DNAH7: variants seen among roughly 807,000 people sequenced by gnomAD.
DNAH7 encodes the protein axonemal beta dynein heavy chain 7.
In DNAH7, 397 loss-of-function variants were observed where a neutral mutation model predicts 444.6. That is an observed-to-expected ratio of 0.89 (90% confidence interval 0.82 to 0.97). DNAH7 has a LOEUF of 0.97. DNAH7 is among the 50% of genes least tolerant of loss of function. DNAH7 has a pLI of 0.00. For synonymous variants in DNAH7, 1,636 were observed against 1,624.4 expected (o/e 1.01, Z -0.17); for missense variants, 4,902 against 4,800.8 (o/e 1.02, Z -0.62).
At chr2:195,901,778 A>C (rs1686725441) in intron 27 of DNAH7, 1 of 152,212 alleles carries the variant, frequency 6.6e-6, no homozygotes, top group Non-Finnish European at 1.5e-5. Flanking sequence ...AATAAAGGAA[A>C]GAAAACCGGA....
At chr2:195,878,680 G>A (rs1701197450) in intron 36 of DNAH7, among the ~76,000 whole-genome samples, 1 of 152,048 alleles carries the variant, frequency 6.6e-6, no homozygotes, top group Admixed American at 6.6e-5. Flanking sequence ...TGAGCATTGA[G>A]GCCATCTAAA....
chr2:195,772,053 G>C (rs529894487), intron 60 of DNAH7, among the ~76,000 whole-genome samples, 163 bp from the exon 61 acceptor site: 1 of 152,186 alleles, frequency 6.6e-6, no homozygotes, highest in Non-Finnish European at 1.5e-5. Context: ...TAACAGGCAG[G>C]AGGATGGATT....
At chr2:195,995,185 C>T (rs1574975562) in intron 12 of DNAH7, 1 of 336,448 alleles carries the variant, frequency 3.0e-6, no homozygotes, top group East Asian at 7.6e-5. Flanking sequence ...ACCTTGGCCT[C>T]CCAAAGTGCT....
At chr2:196,065,411 T>C (rs540140895) in intron 1 of DNAH7, among the ~76,000 whole-genome samples, 1 of 152,340 alleles carries the variant, frequency 6.6e-6, no homozygotes, top group African/African-American at 2.4e-5. Flanking sequence ...CCAACTGATT[T>C]ATGGACAGGG....
chr2:195,785,380 G>A (rs1221973275), intron 58 of DNAH7, among the ~76,000 whole-genome samples: 1 of 151,848 alleles, frequency 6.6e-6, no homozygotes, highest in African/African-American at 2.4e-5. Flanking sequence ...TTTTAAGACA[G>A]GGTCTTGTTT....
intron 49 of DNAH7, among the ~76,000 whole-genome samples, chr2:195,822,617 A>G (rs1410357784): frequency 6.6e-6 from 1 of 152,180 alleles, no homozygotes; most frequent in Non-Finnish European, 1.5e-5. Flanking sequence ...CCAGCAATTA[A>G]AAATAATAAA....
chr2:195,802,819 G>A (rs1247233894), intron 54 of DNAH7, among the ~76,000 whole-genome samples: 1 of 151,982 alleles, frequency 6.6e-6, no homozygotes, highest in African/African-American at 2.4e-5. Flanking sequence ...AATGTACATT[G>A]TACCCCTTAA....
At chr2:195,794,733 A>G (rs1002230553) in intron 56 of DNAH7, among the ~76,000 whole-genome samples, 195 bp from the exon 57 acceptor site, 5 of 152,224 alleles carry the variant, frequency 3.3e-5, no homozygotes, top group Admixed American at 2.0e-4. Context: ...AGAAGGCCCA[A>G]GGTGTTGTCA....
chr2:195,942,870 A>T (rs1267326012), intron 19 of DNAH7, among the ~76,000 whole-genome samples: 1 of 152,128 alleles, frequency 6.6e-6, no homozygotes, highest in South Asian at 2.1e-4. Context: ...ACTGCAGCCC[A>T]AACTCCCATC....
chr2:195,849,521 T>C (rs550098415), intron 46 of DNAH7, among the ~76,000 whole-genome samples: 261 of 152,288 alleles, frequency 1.7e-3, no homozygotes, highest in Admixed American at 3.9e-3. Flanking sequence ...ATGGTATTGC[T>C]ACGTAGGGAG....
intron 46 of DNAH7, among the ~76,000 whole-genome samples, chr2:195,850,554 G>T (rs549676123): frequency 1.3e-5 from 2 of 152,260 alleles, no homozygotes; most frequent in South Asian, 4.2e-4. Context: ...ATTTTCCTAT[G>T]TTTTATTTAT....
At chr2:195,770,582 C>T (rs1452022857) in intron 61 of DNAH7, among the ~76,000 whole-genome samples, 3 of 152,208 alleles carry the variant, frequency 2.0e-5, no homozygotes, top group Non-Finnish European at 4.4e-5. Context: ...TGCCCCTCAA[C>T]GTAATTTAGG....
intron 19 of DNAH7, among the ~76,000 whole-genome samples, chr2:195,951,655 T>C (rs1690265884): frequency 6.6e-6 from 1 of 152,202 alleles, no homozygotes; most frequent in East Asian, 1.9e-4. Flanking sequence ...GATAGTTAGC[T>C]CTTCTTGTTG....
At position 195,922,253 on chromosome 2, in the gene DNAH7, T is replaced by C. The variant is rs183738083; in HGVS notation, c.3826-56A>G. On this transcript the variant is annotated intron_variant, in intron 23 of 64. Coordinates refer to ENST00000312428, the MANE Select transcript of DNAH7 (RefSeq NM_018897.3). ...CAATAAAATTGTAAATAATATGAAA[T>C]CTCAAGCTCTTTAATAAGTAATAAC... The C allele has an allele frequency of 5.6e-5, 59 of 1,049,746 alleles. No individual in the cohort carries two copies. In the East Asian group the frequency reaches 1.5e-3, roughly 26 times the overall value. The allele number at this position is 1,049,746 out of a possible 1,614,324, so 65.0% of individuals were successfully genotyped here. A position where few individuals can be genotyped will look rare whatever the true frequency, so the allele number is the denominator to read the frequency against.
Position 195,878,247 on chromosome 2 carries a change from G to C in DNAH7, c.5962-1548C>G, listed in dbSNP as rs538441885. On this transcript the variant is annotated intron_variant, in intron 36 of 64. Transcript: ENST00000312428. Reference sequence around the variant, plus strand: ...TATAATATATTTTTATTAGCTAACAGTGGAAGCCATATGGTAGGTAATCAA... The same window carrying C: ...TATAATATATTTTTATTAGCTAACACTGGAAGCCATATGGTAGGTAATCAA... Among the ~76,000 whole-genome samples the C allele has an allele frequency of 1.4e-3, 214 of 152,278 alleles. 1 individual carries two copies. Among genetic ancestry groups the C allele is most frequent in the African/African-American group, 5.1e-3 (211 of 41,544 alleles).
At chr2:196,012,645 G>A in intron 10 of DNAH7, 142 bp downstream of exon 10, 1 of 844,692 alleles carries the variant, frequency 1.2e-6, no homozygotes, top group South Asian at 2.2e-5. Flanking sequence ...TACAGACTAA[G>A]ATAATTAAAG....
intron 54 of DNAH7, 69 bp downstream of exon 54, chr2:195,806,671 C>T: frequency 7.5e-7 from 1 of 1,330,910 alleles, no homozygotes; most frequent in Non-Finnish European, 1.1e-6. Flanking sequence ...TAAGGAAACG[C>T]ACATTTGGAT....
intron 48 of DNAH7, among the ~76,000 whole-genome samples, chr2:195,825,390 T>A (rs539835786): frequency 2.6e-5 from 4 of 152,360 alleles, no homozygotes; most frequent in Admixed American, 2.6e-4. Flanking sequence ...CACATTGAAT[T>A]TTGCATGCTA....
At chr2:196,045,270 T>C (rs1391398094) in intron 5 of DNAH7, among the ~76,000 whole-genome samples, 3 of 108,000 alleles carry the variant, frequency 2.8e-5, no homozygotes, top group African/African-American at 1.1e-4. Flanking sequence ...GGGAAGGGAA[T>C]GAAAGGGAAG....
Sources: gnomAD v4.1 joint callset for allele counts (sites outside exome capture counted in the v4.1 genomes callset) on GRCh38, gnomAD v4.1.1 for gene constraint, MANE v1.5 for transcripts, NCBI Gene and HGNC (gene_info 2026-07-23, HGNC 2026-07-21) for gene names.